Variants in WDR86 observed in about 807,000 individuals in gnomAD.
The protein encoded by WDR86 is WD repeat domain 86.
A neutral mutation model predicts 36.5 loss-of-function variants in WDR86; 30 were observed. The observed-to-expected ratio is 0.82, with a 90% CI of 0.61 to 1.11. The LOEUF is 1.11. Among genes scored for constraint, WDR86 ranks in the 50% most tolerant of loss-of-function variants. WDR86 has a pLI of 0.00. For synonymous variants in WDR86, 255 were observed against 252.9 expected, an observed-to-expected ratio of 1.01 and a Z score of -0.08; for missense variants, 545 against 561.2, an observed-to-expected ratio of 0.97 and a Z score of 0.29.
chr7:151,395,686 A>AG, intron 3 of WDR86, 90 bp downstream of exon 3: 1 of 1,412,926 alleles, frequency 7.1e-7, no homozygotes. Context: ...TTTGTTATGC[A>AG]GCCGAATCAC....
chr7:151,370,111 T>A, the WDR86 span, among the ~76,000 whole-genome samples: 1 of 151,264 alleles, frequency 6.6e-6, no homozygotes. Flanking sequence ...TTTTTTTTTT[T>A]ATTCCAGAGT....
upstream of WDR86, chr7:151,410,160 G>A (rs1208177649): frequency 1.1e-6 from 1 of 877,390 alleles, no homozygotes; most frequent in African/African-American, 1.8e-5. Flanking sequence ...CGGGTCCGGG[G>A]GACGGCTCCA....
At chr7:151,408,981 T>C in intron 1 of WDR86, 1 of 475,456 alleles carries the variant, frequency 2.1e-6, no homozygotes, top group Non-Finnish European at 4.3e-6. Context: ...AAGCGTCTAC[T>C]GTTGCTGTGA....
Position 151,390,099 on chromosome 7 carries a change from G to A in WDR86, c.727-4876C>T, listed in dbSNP as rs1235359737. On this transcript the variant is annotated intron_variant, in intron 3 of 5. Transcript: ENST00000334493. This position sits in a 1 kb window ranked among gnomAD's most constrained non-coding sequence, Gnocchi z 4.5. ...CAAAAGGATCCAAATGCAAGAGAGCGTGGGGTGTAATGGCCAGCCCTGGTG... is the reference window on the plus strand; with the variant it reads ...CAAAAGGATCCAAATGCAAGAGAGCATGGGGTGTAATGGCCAGCCCTGGTG... Among the ~76,000 whole-genome samples, 20 of 152,326 alleles carry A rather than the reference G, an allele frequency of 1.3e-4. No homozygotes were observed. Among genetic ancestry groups the A allele is most frequent in the South Asian group, 1.0e-3 (5 of 4,832 alleles).
At chr7:151,393,009 G>A (rs1344681573) in intron 3 of WDR86, among the ~76,000 whole-genome samples, 1 of 152,132 alleles carries the variant, frequency 6.6e-6, no homozygotes, top group Non-Finnish European at 1.5e-5. Context: ...GGCACCTTCT[G>A]TCCCCAGTCC....
downstream of WDR86, chr7:151,376,245 A>T (rs1348569529): frequency 4.3e-6 from 2 of 469,514 alleles, no homozygotes; most frequent in Non-Finnish European, 7.8e-6. Flanking sequence ...AAAGGATGGC[A>T]CTGTGACCTG....
the WDR86 span, among the ~76,000 whole-genome samples, chr7:151,370,287 C>T: frequency 7.2e-5 from 11 of 152,074 alleles, no homozygotes; most frequent in Admixed American, 7.2e-4. Context: ...TGGGGTTTTA[C>T]CAATTTGGCC....
At position 151,381,399 on chromosome 7, in the gene WDR86, C is replaced by T. The variant is rs1044525833; in HGVS notation, c.*183G>A. The T allele has an allele frequency of 3.3e-5, 48 of 1,476,212 alleles. No individual in the cohort carries two copies. The highest frequency in any genetic ancestry group is 4.1e-5 in the Non-Finnish European group (46 of 1,122,500). The allele number at this position is 1,476,212 out of a possible 1,614,324, so 91.4% of individuals were successfully genotyped here. A position where few individuals can be genotyped will look rare whatever the true frequency, so the allele number is the denominator to read the frequency against. ...GGGCGGTCCCCAGGGCGAGCACTCC[C>T]GCTCCCAGCGCCTCCTGGCCACCAA... On this transcript the variant is annotated 3_prime_UTR_variant, in exon 6 of 6. Coordinates refer to ENST00000334493, the MANE Select transcript of WDR86 (RefSeq NM_198285.3). The surrounding 1 kb of genome is among the most constrained non-coding windows in gnomAD (Gnocchi z 4.8).
downstream of WDR86, chr7:151,374,187 C>T (rs1318854447): frequency 6.4e-7 from 1 of 1,573,702 alleles, no homozygotes; most frequent in East Asian, 2.4e-5. Context: ...CTACTCCACG[C>T]ACGCGGCCCA....
intron 1 of WDR86, among the ~76,000 whole-genome samples, chr7:151,404,253 T>C (rs1179784956): frequency 6.6e-6 from 1 of 152,064 alleles, no homozygotes. Context: ...ATTTCTGAAC[T>C]GGGCCAGGCT....
chr7:151,402,070 A>AAAAAAAAATATATATATATATAT, intron 1 of WDR86, among the ~76,000 whole-genome samples: 26 of 50,468 alleles, frequency 5.2e-4, no homozygotes, highest in Non-Finnish European at 7.0e-4. Context: ...AAAAAAAAAA[A>AAAAAAAAATATATATATATATAT]ATATATATAT....
chr7:151,373,787 G>C (rs1463702773), downstream of WDR86, among the ~76,000 whole-genome samples: 1 of 152,260 alleles, frequency 6.6e-6, no homozygotes, highest in African/African-American at 2.4e-5. Context: ...TGCAGTGGGA[G>C]TGCTGGGTTG....
Position 151,409,784 on chromosome 7 carries a change from G to A in WDR86, c.-195C>T, listed in dbSNP as rs987145527. The A allele has an allele frequency of 5.4e-5, 68 of 1,269,960 alleles. No individual in the cohort carries two copies. Among genetic ancestry groups the A allele is most frequent in the Non-Finnish European group, 6.5e-5 (66 of 1,011,958 alleles). 78.7% of individuals were successfully genotyped at this position (1,269,960 alleles called of 1,614,324 possible). On this transcript the variant is annotated 5_prime_UTR_variant, in exon 1 of 6. Coordinates refer to ENST00000334493, the MANE Select transcript of WDR86 (RefSeq NM_198285.3). This position sits in a 1 kb window ranked among gnomAD's most constrained non-coding sequence, Gnocchi z 5.2. ...CGCTGCCTCCAGCCTCTGGGCCCGCGAACCCAGGGCGCTGCGGGGGGCGGC... is the reference window on the plus strand; with the variant it reads ...CGCTGCCTCCAGCCTCTGGGCCCGCAAACCCAGGGCGCTGCGGGGGGCGGC...
chr7:151,373,972 C>T (rs1798083611), downstream of WDR86: 2 of 1,025,834 alleles, frequency 1.9e-6, no homozygotes, highest in Non-Finnish European at 2.8e-6. Flanking sequence ...GAAAGAGGGC[C>T]CCCTGTGCTT....
chr7:151,369,702 C>T, the WDR86 span, among the ~76,000 whole-genome samples: 1 of 152,166 alleles, frequency 6.6e-6, no homozygotes, highest in African/African-American at 2.4e-5. Context: ...AGCAGGAGAG[C>T]CATTTTTCTT....
At chr7:151,389,636 G>A (rs1035566437) in intron 3 of WDR86, among the ~76,000 whole-genome samples, 4 of 152,208 alleles carry the variant, frequency 2.6e-5, no homozygotes, top group Admixed American at 6.5e-5. Context: ...GAGTCTGCCC[G>A]CTCCGCCCTG....
intron 1 of WDR86, among the ~76,000 whole-genome samples, chr7:151,404,584 T>G (rs2374131): frequency 6.6e-6 from 1 of 152,170 alleles, no homozygotes; most frequent in Non-Finnish European, 1.5e-5. Flanking sequence ...CCGAGGACCC[T>G]AGGACAGAAG....
chr7:151,407,601 G>C (rs545642447), intron 1 of WDR86, among the ~76,000 whole-genome samples: 1 of 152,222 alleles, frequency 6.6e-6, no homozygotes. Flanking sequence ...CACTTCGGGA[G>C]GCCAAGGCGG....
At chr7:151,373,946 T>A, downstream of WDR86, 2 of 777,802 alleles carry the variant, frequency 2.6e-6, no homozygotes, top group Middle Eastern at 3.5e-4. Flanking sequence ...GCCATTTGGC[T>A]GGGTGAGGAG....
Sources: allele counts gnomAD v4.1 joint callset (sites outside exome capture counted in the v4.1 genomes callset), GRCh38; gene constraint gnomAD v4.1.1; non-coding constraint Gnocchi (gnomAD v3.1); transcripts MANE v1.5; gene names NCBI Gene and HGNC (gene_info 2026-07-23, HGNC 2026-07-21).